PPFIBP1: variants seen among roughly 807,000 people sequenced by gnomAD.
The protein encoded by PPFIBP1 is PPFIB scaffold protein 1.
A neutral mutation model predicts 137.8 loss-of-function variants in PPFIBP1; 112 were observed. The ratio of observed to expected loss-of-function variants is 0.81; its 90% CI spans 0.70 to 0.95. The LOEUF (loss-of-function observed/expected upper bound fraction) is 0.95. PPFIBP1 is among the 40% of genes least tolerant of loss of function. The pLI is 0.00. For synonymous variants in PPFIBP1, 378 were observed against 417.3 expected (o/e 0.91, Z 1.15); for missense variants, 1,083 against 1,196.6 (o/e 0.91, Z 1.40).
At chr12:27,616,837 A>G in intron 2 of PPFIBP1, among the ~76,000 whole-genome samples, 1 of 152,162 alleles carries the variant, frequency 6.6e-6, no homozygotes, top group East Asian at 1.9e-4. Context: ...TGCTGAGATT[A>G]AGTGTTGGAG....
chr12:27,682,479 G>A lies in PPFIBP1; in HGVS notation c.2139G>A (p.Leu713=). ...AAGAAGAAACCAATCATGGGAAGCT[G>A]GATTTCAACTGGGTCACTAGTAAGA... The part of the protein sequence containing the change: ...GSEEETNHGK[L]DFNWVTRWLD... The change falls in exon 23 of 30, where the codon CTG becomes CTA. Residue 713 remains leucine (L), a synonymous_variant. Coordinates refer to ENST00000228425, the MANE Select transcript of PPFIBP1 (RefSeq NM_003622.4). 1 of 1,613,740 alleles carries A rather than the reference G, an allele frequency of 6.2e-7. No homozygotes were observed. The highest frequency in any genetic ancestry group is 8.5e-7 in the Non-Finnish European group (1 of 1,179,688).
intron 13 of PPFIBP1, among the ~76,000 whole-genome samples, chr12:27,668,578 A>G (rs958270374): frequency 2.0e-5 from 3 of 152,196 alleles, no homozygotes; most frequent in African/African-American, 7.2e-5. Flanking sequence ...ATCCAAATTC[A>G]TCTCTTCATT....
chr12:27,652,630 T>A (rs2058941057), intron 7 of PPFIBP1, among the ~76,000 whole-genome samples: 1 of 152,196 alleles, frequency 6.6e-6, no homozygotes, highest in Non-Finnish European at 1.5e-5. Flanking sequence ...TATAGTTGAG[T>A]AGTTTTTTGT....
chr12:27,684,472 A>G (rs1484277751), intron 24 of PPFIBP1, among the ~76,000 whole-genome samples: 4 of 152,214 alleles, frequency 2.6e-5, no homozygotes, highest in Non-Finnish European at 5.9e-5. Flanking sequence ...CCCTAAGTAT[A>G]ATCTTTTTCA....
At chr12:27,683,067 T>G (rs1055382516) in intron 24 of PPFIBP1, among the ~76,000 whole-genome samples, 1 of 152,180 alleles carries the variant, frequency 6.6e-6, no homozygotes, top group Non-Finnish European at 1.5e-5. Context: ...AGATTTTTTT[T>G]GTATTATTTC....
Position 27,539,789 on chromosome 12 carries a change from A to T in PPFIBP1, c.-124+15424A>T, listed in dbSNP as rs138985984. Among the ~76,000 whole-genome samples, 564 of 152,370 alleles carry T rather than the reference A, an allele frequency of 3.7e-3. 4 individuals carry two copies. Among genetic ancestry groups the T allele is most frequent in the Non-Finnish European group, 6.2e-3 (423 of 68,040 alleles). On this transcript the variant is annotated intron_variant, in intron 1 of 29. Transcript: ENST00000228425. ...AAAATAGAGAAGACACAGTTAAAAA[A>T]AAGGCATCAGTAATACTTTCACATG... is the stretch of plus-strand genomic sequence containing the variant.
chr12:27,631,545 A>G (rs1378560150), intron 2 of PPFIBP1, among the ~76,000 whole-genome samples: 4 of 152,182 alleles, frequency 2.6e-5, no homozygotes, highest in African/African-American at 2.4e-5. Flanking sequence ...AACGTTTTGA[A>G]CTTTCATAGC....
chr12:27,676,645 GA>G (rs762239618), intron 18 of PPFIBP1, 46 bp downstream of exon 18: 1 of 1,417,866 alleles, frequency 7.1e-7, no homozygotes, highest in Non-Finnish European at 9.6e-7. Flanking sequence ...CCACAAGGAG[GA>G]AAAGAGCAGT....
At chr12:27,626,227 A>G (rs1288468439) in intron 2 of PPFIBP1, among the ~76,000 whole-genome samples, 1 of 152,204 alleles carries the variant, frequency 6.6e-6, no homozygotes, top group African/African-American at 2.4e-5. Context: ...AAGAATCTCT[A>G]AAATGTTGCA....
chr12:27,645,619 A>C (rs1214728332), intron 4 of PPFIBP1, among the ~76,000 whole-genome samples: 1 of 152,192 alleles, frequency 6.6e-6, no homozygotes, highest in African/African-American at 2.4e-5. Context: ...CAGGACAAAA[A>C]GTGTTAAAAT....
At chr12:27,687,348 C>T (rs1276338393) in intron 24 of PPFIBP1, 37 bp from the exon 25 acceptor site, 2 of 1,608,662 alleles carry the variant, frequency 1.2e-6, no homozygotes, top group Admixed American at 1.7e-5. Flanking sequence ...TGCTACAGGC[C>T]AGCACAGTGA....
chr12:27,694,326 GA>G lies in PPFIBP1; in HGVS notation c.*1446del, dbSNP rs1169679723. The stretch of plus-strand genomic sequence containing the variant: ...ACTCTGCCTGGCCTACCACTAACTT[GA>G]ATACATTCAGAATCACCTCCTCTCC... On this transcript the variant is annotated 3_prime_UTR_variant, in exon 30 of 30. Transcript: ENST00000228425. 6.6e-6 allele frequency: 1 copy of G among 152,146 alleles called. No homozygotes were observed. The highest frequency in any genetic ancestry group is 1.5e-5 in the Non-Finnish European group (1 of 68,052). 9.4% of individuals were successfully genotyped at this position (152,146 alleles called of 1,614,324 possible).
chr12:27,527,683 C>T (rs1943929525), intron 1 of PPFIBP1, among the ~76,000 whole-genome samples: 1 of 151,894 alleles, frequency 6.6e-6, no homozygotes, highest in African/African-American at 2.4e-5. Flanking sequence ...AACGTCGCTT[C>T]AAGGCGAAAA....
rs1266301680 is a variant in PPFIBP1 at position 27,647,773 on chromosome 12, T to G, written c.402T>G (p.Ile134Met). The change falls in exon 6 of 30, where the codon ATT (isoleucine) becomes ATG (methionine). Residue 134 changes from isoleucine (I) to methionine (M), a missense_variant. By Grantham distance (10) the Ile-to-Met change is conservative. Coordinates refer to ENST00000228425, the MANE Select transcript of PPFIBP1 (RefSeq NM_003622.4). ...AGGTGGAGGCTCAGGGAGAGAAGAT[T>G]CGAGATTTGGAGTTTTGTCTTGAAG... ...TDQVEAQGEK[I>M]RDLEFCLEEH... 6.2e-7 allele frequency: 1 copy of G among 1,611,328 alleles called. No homozygotes were observed. Among genetic ancestry groups the G allele is most frequent in the Admixed American group, 1.7e-5 (1 of 59,544 alleles).
intron 1 of PPFIBP1, among the ~76,000 whole-genome samples, chr12:27,535,041 T>G (rs1944834922): frequency 6.6e-6 from 1 of 152,240 alleles, no homozygotes; most frequent in Non-Finnish European, 1.5e-5. Context: ...AGTAAAGGCT[T>G]GTTCAAGTGT....
intron 1 of PPFIBP1, among the ~76,000 whole-genome samples, chr12:27,551,522 G>A (rs930629185): frequency 6.6e-6 from 1 of 152,120 alleles, no homozygotes; most frequent in Non-Finnish European, 1.5e-5. Flanking sequence ...CAGAATGATG[G>A]CTACATAAAA....
intron 1 of PPFIBP1, among the ~76,000 whole-genome samples, chr12:27,550,343 C>T (rs545265404): frequency 1.4e-4 from 21 of 152,132 alleles, no homozygotes; most frequent in South Asian, 1.0e-3. Context: ...GTAAGCTGCT[C>T]CAGCTGGGAT....
At chr12:27,605,416 G>T (rs2054428572) in intron 2 of PPFIBP1, among the ~76,000 whole-genome samples, 1 of 151,808 alleles carries the variant, frequency 6.6e-6, no homozygotes, top group East Asian at 1.9e-4. Context: ...GCACTGTGAG[G>T]GACAGAAATA....
chr12:27,688,176 A>G, intron 25 of PPFIBP1, 122 bp from the exon 26 acceptor site: 1 of 1,149,904 alleles, frequency 8.7e-7, no homozygotes, highest in South Asian at 1.6e-5. Context: ...ATTCTTTAAA[A>G]GAGAATTTTT....
Sources: allele counts gnomAD v4.1 joint callset (sites outside exome capture counted in the v4.1 genomes callset), GRCh38; gene constraint gnomAD v4.1.1; transcripts MANE v1.5; gene names NCBI Gene and HGNC (gene_info 2026-07-23, HGNC 2026-07-21).